The following CC2D2A variants were observed in gnomAD, a reference collection of about 807,000 sequenced individuals.
CC2D2A encodes the protein coiled-coil and C2 domain-containing protein 2A.
A neutral mutation model predicts 212.9 loss-of-function variants in CC2D2A; 155 were observed. That is an observed-to-expected ratio of 0.73 (90% CI 0.64 to 0.83). CC2D2A has a LOEUF of 0.83. CC2D2A is among the 40% of genes least tolerant of loss of function. The pLI is 0.00. For synonymous variants in CC2D2A, 667 were observed against 686.5 expected (o/e 0.97, Z 0.44); for missense variants, 1,856 against 1,956.2 (o/e 0.95, Z 0.97).
chr4:15,538,217 G>A (rs1485544327), intron 16 of CC2D2A, 80 bp downstream of exon 16: 18 of 1,388,562 alleles, frequency 1.3e-5, no homozygotes, highest in Non-Finnish European at 1.6e-5. Flanking sequence ...ACACATGCAC[G>A]ACATGGGGAG....
Position 15,531,504 on chromosome 4 carries a change from T to C in CC2D2A, c.1467-1689T>C, listed in dbSNP as rs75356105. On this transcript the variant is annotated intron_variant, in intron 13 of 36. Coordinates refer to ENST00000424120, the MANE Select transcript of CC2D2A (RefSeq NM_001378615.1). Reference sequence around the variant, plus strand: ...GCATTTTCTCCTGAAATGAATCCACTTTGTGGCTTTAAACATCACCCAGAT... The same window carrying C: ...GCATTTTCTCCTGAAATGAATCCACCTTGTGGCTTTAAACATCACCCAGAT... Among the ~76,000 whole-genome samples, 443 of 152,296 alleles carry C rather than the reference T, an allele frequency of 2.9e-3. 2 individuals are homozygous for C. Among genetic ancestry groups the C allele is most frequent in the African/African-American group, 0.01 (427 of 41,560 alleles).
intron 4 of CC2D2A, among the ~76,000 whole-genome samples, chr4:15,502,075 C>G (rs922060793): frequency 6.6e-6 from 1 of 152,288 alleles, no homozygotes; most frequent in African/African-American, 2.4e-5. Context: ...AACTTGAGAG[C>G]CTTTTCCCAG....
intron 18 of CC2D2A, among the ~76,000 whole-genome samples, 181 bp downstream of exon 18, chr4:15,551,161 G>T (rs1265667605): frequency 6.6e-6 from 1 of 152,216 alleles, no homozygotes; most frequent in Non-Finnish European, 1.5e-5. Context: ...TGGTGACAAT[G>T]TAAGTGCATA....
rs537503742 is a variant in CC2D2A at position 15,483,790 on chromosome 4, C to T, written c.247+2963C>T. Among the ~76,000 whole-genome samples the T allele has an allele frequency of 2.0e-5, 3 of 152,302 alleles. No individual in the cohort carries two copies. In the South Asian group the frequency reaches 6.2e-4, roughly 32 times the overall value. On this transcript the variant is annotated intron_variant, in intron 4 of 36. Coordinates refer to ENST00000424120, the MANE Select transcript of CC2D2A (RefSeq NM_001378615.1). ...ACTCCTTACTGGCCTCTGAATGCCT[C>T]GTGACCATCTCAGCATTTCTGGGCT...
intron 14 of CC2D2A, 149 bp from the exon 15 acceptor site, chr4:15,536,771 C>A: frequency 1.5e-6 from 1 of 673,600 alleles, no homozygotes; most frequent in Non-Finnish European, 2.5e-6. Flanking sequence ...ATAATAATAG[C>A]ATCTGCCTCA....
At chr4:15,492,626 C>A in intron 4 of CC2D2A, 1 of 482,394 alleles carries the variant, frequency 2.1e-6, no homozygotes, top group Non-Finnish European at 3.9e-6. Context: ...GGGAGATTCT[C>A]AGTGAGGTGG....
intron 17 of CC2D2A, among the ~76,000 whole-genome samples, chr4:15,545,769 T>G (rs1718678331): frequency 6.6e-6 from 1 of 152,006 alleles, no homozygotes; most frequent in African/African-American, 2.4e-5. Context: ...ATTGGTGGAA[T>G]CCACAGAGCT....
chr4:15,478,739 A>T lies in CC2D2A; in HGVS notation c.56A>T (p.Asp19Val), dbSNP rs1403239059. 4.2e-5 allele frequency: 65 copies of T among 1,554,514 alleles called. No individual in the cohort carries two copies. The highest frequency in any genetic ancestry group is 5.5e-5 in the Non-Finnish European group (63 of 1,148,606). Residue 19 changes from aspartate to valine, a missense_variant, in exon 3 of 37, where the codon GAT (aspartate) becomes GTT (valine). Physicochemically the swap from Asp to Val is radical, Grantham distance 152. This residue lies in a region of CC2D2A where 1,512 missense variants were observed against 1,579.3 expected (regional missense o/e 0.96). Transcript: ENST00000424120. ...KIITEEFIENDEDADMGRQNK... is the reference protein window; with the variant it reads ...KIITEEFIENVEDADMGRQNK... ...TTCACAAAGGAGTTCATTGAAAATG[A>T]TGAGGATGCAGACATGGGAAGACAG...
chr4:15,587,729 C>T, intron 31 of CC2D2A, 87 bp from the exon 32 acceptor site: 2 of 710,732 alleles, frequency 2.8e-6, no homozygotes, highest in Non-Finnish European at 5.0e-6. Context: ...AGACACTAAC[C>T]TCTACTATGA....
rs140274825 is a variant in CC2D2A, at chr4:15,525,726, C to T, written c.1150-1721C>T. Among the ~76,000 whole-genome samples, 515 of 152,154 alleles carry T rather than the reference C, an allele frequency of 3.4e-3. 3 individuals carry two copies. Among genetic ancestry groups the T allele is most frequent in the African/African-American group, 0.012 (493 of 41,506 alleles). ...TTGTTACTGTGTTCATAATAGTTCT[C>T]GATATATAAGAAAGGGAACAGATAC... On this transcript the variant is annotated intron_variant, in intron 11 of 36. Transcript: ENST00000424120.
chr4:15,589,800 C>T lies in CC2D2A; in HGVS notation c.4314+121C>T, dbSNP rs5020094. ...ATATAAATGAATATATATATATATA[C>T]ACACATATATATATACCAGTTAAAA... On this transcript the variant is annotated intron_variant, in intron 33 of 36. Transcript: ENST00000424120. 0.8 allele frequency: 251,436 copies of T among 314,404 alleles called. 100,230 individuals carry two copies. The highest frequency in any genetic ancestry group is 0.92 in the East Asian group (11,555 of 12,600). 19.5% of individuals were successfully genotyped at this position (314,404 alleles called of 1,614,324 possible).
intron 28 of CC2D2A, among the ~76,000 whole-genome samples, chr4:15,573,441 C>G (rs1289588107): frequency 6.6e-6 from 1 of 152,166 alleles, no homozygotes; most frequent in Admixed American, 6.5e-5. Flanking sequence ...CAGGCGTGTG[C>G]CACCACACCT....
chr4:15,577,935 A>C (rs903246848), intron 29 of CC2D2A, among the ~76,000 whole-genome samples: 1 of 152,210 alleles, frequency 6.6e-6, no homozygotes, highest in South Asian at 2.1e-4. Context: ...CAGACTCCCA[A>C]CATTTTTCAA....
At chr4:15,575,697 T>C (rs921178350) in intron 29 of CC2D2A, among the ~76,000 whole-genome samples, 7 of 152,332 alleles carry the variant, frequency 4.6e-5, no homozygotes, top group Middle Eastern at 3.4e-3. Context: ...AAACAGTGCT[T>C]CTCTAGATAT....
chr4:15,560,678 C>CT, intron 23 of CC2D2A, 56 bp downstream of exon 23: 1 of 741,600 alleles, frequency 1.3e-6, no homozygotes. Context: ...TATTTATACT[C>CT]TATTATATGA....
rs1034408525 is a variant in CC2D2A at position 15,481,958 on chromosome 4, C to T, written c.247+1131C>T. The stretch of plus-strand genomic sequence containing the variant: ...CATATACTTCTCCCCCTACACACGC[C>T]TTTTCTTCTTCCCCAGTACAATGAA... On this transcript the variant is annotated intron_variant, in intron 4 of 36. Coordinates refer to ENST00000424120, the MANE Select transcript of CC2D2A (RefSeq NM_001378615.1). The T allele has an allele frequency of 3.0e-6, 3 of 985,292 alleles. No homozygotes were observed. The African/African-American group carries it at 5.2e-5, about 17-fold the overall frequency. 61.0% of individuals were successfully genotyped at this position (985,292 alleles called of 1,614,324 possible).
chr4:15,470,464 T>C (rs1333530206), intron 1 of CC2D2A, among the ~76,000 whole-genome samples: 1 of 152,110 alleles, frequency 6.6e-6, no homozygotes, highest in Admixed American at 6.6e-5. Context: ...CTAACCACAG[T>C]GCTAAGAGTT....
At chr4:15,532,952 TA>T (rs1415255015) in intron 13 of CC2D2A, among the ~76,000 whole-genome samples, 5 of 152,250 alleles carry the variant, frequency 3.3e-5, no homozygotes, top group African/African-American at 1.2e-4. Context: ...TGCATAGTTT[TA>T]ATACAAATTT....
chr4:15,555,723 G>A (rs1719243262), intron 20 of CC2D2A, among the ~76,000 whole-genome samples: 2 of 152,148 alleles, frequency 1.3e-5, no homozygotes, highest in South Asian at 4.1e-4. Context: ...TGAATAGAGT[G>A]AGACTCCCAT....
Sources: gnomAD v4.1 joint callset for allele counts (sites outside exome capture counted in the v4.1 genomes callset) on GRCh38, gnomAD v4.1.1 for gene constraint, gnomAD v4.1.1 regional missense constraint, MANE v1.5 for transcripts, NCBI Gene and HGNC (gene_info 2026-07-23, HGNC 2026-07-21) for gene names.